The following HCN1 variants were observed in gnomAD, a reference collection of about 807,000 sequenced individuals.
The protein encoded by HCN1 is potassium/sodium hyperpolarization-activated cyclic nucleotide-gated channel 1.
In HCN1, 13 loss-of-function variants were observed where a neutral mutation model predicts 78.9. The ratio of observed to expected loss-of-function variants is 0.16; its 90% CI spans 0.11 to 0.26. The LOEUF is 0.26. HCN1 is among the 10% of genes least tolerant of loss of function. The probability of loss-of-function intolerance (pLI) is 1.00; values close to 1 mark genes in which losing one functional copy is unlikely to be tolerated. For missense variants in HCN1, 810 were observed against 1,154.3 expected (o/e 0.70, Z 4.32); for synonymous variants, 552 against 455.5 (o/e 1.21, Z -2.70).
At chr5:45,651,950 G>T (rs1427606799) in intron 1 of HCN1, among the ~76,000 whole-genome samples, 2 of 152,022 alleles carry the variant, frequency 1.3e-5, no homozygotes. Context: ...CTGAGGGAAA[G>T]TTTAGCCTAA....
At chr5:45,369,445 C>T (rs1323437682) in intron 4 of HCN1, among the ~76,000 whole-genome samples, 1 of 152,114 alleles carries the variant, frequency 6.6e-6, no homozygotes, top group African/African-American at 2.4e-5. Context: ...TTTCAATAAC[C>T]TGTATGGGCC....
intron 1 of HCN1, among the ~76,000 whole-genome samples, chr5:45,670,561 C>G (rs1424614174): frequency 6.6e-6 from 1 of 151,582 alleles, no homozygotes; most frequent in Non-Finnish European, 1.5e-5. Context: ...CATTTTTTAA[C>G]AGGAATAATT....
intron 5 of HCN1, among the ~76,000 whole-genome samples, chr5:45,336,204 C>T (rs1490188594): frequency 6.6e-6 from 1 of 151,944 alleles, no homozygotes; most frequent in African/African-American, 2.4e-5. Context: ...TTACTGAAGC[C>T]AACTTTGCAG....
intron 1 of HCN1, among the ~76,000 whole-genome samples, chr5:45,650,607 A>G (rs970925899): frequency 6.6e-6 from 1 of 152,046 alleles, no homozygotes; most frequent in African/African-American, 2.4e-5. Context: ...AATAGGCTAA[A>G]TAAAATATTA....
At chr5:45,682,940 A>G (rs1739730740) in intron 1 of HCN1, among the ~76,000 whole-genome samples, 1 of 152,104 alleles carries the variant, frequency 6.6e-6, no homozygotes, top group Admixed American at 6.6e-5. Flanking sequence ...ACAATAACTT[A>G]CTACCCTATA....
intron 2 of HCN1, among the ~76,000 whole-genome samples, chr5:45,627,527 T>C (rs1449167429): frequency 2.0e-5 from 3 of 152,174 alleles, no homozygotes; most frequent in African/African-American, 7.2e-5. Context: ...TCATCAACAG[T>C]TGATTATGGC....
At chr5:45,498,455 C>G (rs1165309197) in intron 2 of HCN1, among the ~76,000 whole-genome samples, 1 of 152,244 alleles carries the variant, frequency 6.6e-6, no homozygotes, top group Non-Finnish European at 1.5e-5. Flanking sequence ...TTAAGCACTT[C>G]TCTGTATTGG....
intron 2 of HCN1, among the ~76,000 whole-genome samples, chr5:45,579,796 A>G (rs1041119692): frequency 3.3e-5 from 5 of 152,116 alleles, no homozygotes; most frequent in African/African-American, 4.8e-5. Context: ...AAAAGAAAAG[A>G]TGATGGTCTT....
chr5:45,365,086 T>A lies in HCN1; in HGVS notation c.1231-11840A>T, dbSNP rs564101530. Among the ~76,000 whole-genome samples, 476 of 152,218 alleles carry A rather than the reference T, an allele frequency of 3.1e-3. 4 individuals carry two copies. Among genetic ancestry groups the A allele is most frequent in the African/African-American group, 0.011 (459 of 41,578 alleles). ...ATTTATTGTCAAACATATTATTTAG[T>A]CTTTGTCAAGAACAAGCTTTGAAGT... On this transcript the variant is annotated intron_variant, in intron 4 of 7. Coordinates refer to ENST00000303230, the MANE Select transcript of HCN1 (RefSeq NM_021072.4).
At chr5:45,266,592 C>T (rs1744862067) in intron 7 of HCN1, among the ~76,000 whole-genome samples, 1 of 151,950 alleles carries the variant, frequency 6.6e-6, no homozygotes, top group Non-Finnish European at 1.5e-5. Flanking sequence ...AATAAATAAA[C>T]CCAGAATACT....
At chr5:45,355,231 A>G (rs186495193) in intron 4 of HCN1, among the ~76,000 whole-genome samples, 18 of 152,166 alleles carry the variant, frequency 1.2e-4, no homozygotes, top group African/African-American at 4.3e-4. Context: ...ATATTGTTTG[A>G]AGTTTGAATC....
chr5:45,523,386 G>A, intron 2 of HCN1, among the ~76,000 whole-genome samples: 1 of 151,964 alleles, frequency 6.6e-6, no homozygotes, highest in South Asian at 2.1e-4. Flanking sequence ...TAATGGGATG[G>A]CTGGGTCAAA....
chr5:45,634,260 C>G (rs1388098656), intron 2 of HCN1, among the ~76,000 whole-genome samples: 2 of 151,942 alleles, frequency 1.3e-5, no homozygotes, highest in African/African-American at 4.8e-5. Context: ...AAGAATTACT[C>G]TCAGCTACCT....
At chr5:45,480,366 A>G (rs1741623405) in intron 2 of HCN1, among the ~76,000 whole-genome samples, 1 of 152,178 alleles carries the variant, frequency 6.6e-6, no homozygotes, top group Non-Finnish European at 1.5e-5. Flanking sequence ...AGTTTTAATA[A>G]CTTGACATAA....
chr5:45,448,956 A>G (rs1740853199), intron 3 of HCN1, among the ~76,000 whole-genome samples: 1 of 152,128 alleles, frequency 6.6e-6, no homozygotes, highest in East Asian at 1.9e-4. Flanking sequence ...TTTACTAAAA[A>G]TACAAAAGTT....
chr5:45,623,337 A>C (rs188131200), intron 2 of HCN1, among the ~76,000 whole-genome samples: 27 of 152,192 alleles, frequency 1.8e-4, no homozygotes, highest in African/African-American at 6.3e-4. Flanking sequence ...GCCTGCCACT[A>C]ATCAGTTCCA....
intron 3 of HCN1, among the ~76,000 whole-genome samples, chr5:45,434,359 T>G (rs886702159): frequency 6.6e-6 from 1 of 152,118 alleles, no homozygotes; most frequent in Non-Finnish European, 1.5e-5. Context: ...ATCCAAAAGG[T>G]TTACACAGCT....
At chr5:45,547,498 C>A (rs1214229509) in intron 2 of HCN1, among the ~76,000 whole-genome samples, 2 of 151,888 alleles carry the variant, frequency 1.3e-5, no homozygotes, top group Non-Finnish European at 2.9e-5. Flanking sequence ...AATTAGCAGT[C>A]ACCCTACTCA....
intron 4 of HCN1, among the ~76,000 whole-genome samples, chr5:45,384,320 C>T (rs1266834633): frequency 1.3e-5 from 2 of 151,996 alleles, no homozygotes; most frequent in Non-Finnish European, 2.9e-5. Flanking sequence ...ATATTACATC[C>T]AATATAGTCA....
Sources: gnomAD v4.1 joint callset for allele counts (sites outside exome capture counted in the v4.1 genomes callset) on GRCh38, gnomAD v4.1.1 for gene constraint, MANE v1.5 for transcripts, NCBI Gene and HGNC (gene_info 2026-07-23, HGNC 2026-07-21) for gene names.